UNC13C: variants seen among roughly 807,000 people sequenced by gnomAD.
The protein encoded by UNC13C is unc-13 homolog C.
UNC13C carries 174 observed loss-of-function variants against 245.4 expected under a neutral mutation model. The ratio of observed to expected loss-of-function variants is 0.71; its 90% CI spans 0.63 to 0.80. The LOEUF (loss-of-function observed/expected upper bound fraction) is 0.80, where lower values mean the gene tolerates loss of function less well. Among genes scored for constraint, UNC13C ranks in the 30% least tolerant of loss-of-function variants. The pLI is 0.00. For missense variants in UNC13C, 2,829 were observed against 2,602.9 expected (o/e 1.09, Z -1.89); for synonymous variants, 992 against 895.1 (o/e 1.11, Z -1.93).
downstream of UNC13C, chr15:54,632,031 C>CTGAT (rs779023295): frequency 1.2e-4 from 18 of 152,130 alleles, no homozygotes; most frequent in Admixed American, 6.5e-5. Context: ...AGTTCTTCTT[C>CTGAT]TGATATACAC....
At chr15:53,885,218 TCTC>T in the UNC13C span, among the ~76,000 whole-genome samples, 1 of 152,176 alleles carries the variant, frequency 6.6e-6, no homozygotes, top group Admixed American at 6.5e-5. Flanking sequence ...TTTCTGAACT[TCTC>T]CTGCCTTTCT....
intron 14 of UNC13C, among the ~76,000 whole-genome samples, chr15:54,331,234 G>A (rs1258056135): frequency 6.6e-6 from 1 of 152,030 alleles, no homozygotes; most frequent in Admixed American, 6.6e-5. Flanking sequence ...ATTTTTTGAT[G>A]AGAAAACTGG....
intron 4 of UNC13C, among the ~76,000 whole-genome samples, chr15:54,193,174 A>G (rs563781091): frequency 1.3e-5 from 2 of 152,290 alleles, no homozygotes; most frequent in South Asian, 4.1e-4. Context: ...GTTGTAAATG[A>G]GAAACAAGGT....
chr15:54,385,339 T>G (rs1449374589), intron 17 of UNC13C, among the ~76,000 whole-genome samples: 1 of 152,090 alleles, frequency 6.6e-6, no homozygotes, highest in Non-Finnish European at 1.5e-5. Flanking sequence ...ATGGTATATA[T>G]TCATAATAGA....
intron 30 of UNC13C, among the ~76,000 whole-genome samples, chr15:54,595,013 AAAGGATTAAACAG>A (rs1166298336): frequency 6.6e-6 from 1 of 152,212 alleles, no homozygotes; most frequent in Admixed American, 6.5e-5. Context: ...GGGATGAGGA[AAAGGATTAAACAG>A]TGAAGGAGAA....
chr15:53,857,647 A>G, the UNC13C span, among the ~76,000 whole-genome samples: 2 of 152,204 alleles, frequency 1.3e-5, no homozygotes, highest in East Asian at 1.9e-4. Flanking sequence ...TGTCTATACC[A>G]GTAATATTCT....
At chr15:54,316,973 C>G (rs2038024677) in intron 13 of UNC13C, among the ~76,000 whole-genome samples, 1 of 151,866 alleles carries the variant, frequency 6.6e-6, no homozygotes, top group Non-Finnish European at 1.5e-5. Context: ...TTTTAATCAA[C>G]TCCACATCCT....
At chr15:54,451,115 A>C (rs1268058572) in intron 19 of UNC13C, among the ~76,000 whole-genome samples, 1 of 151,808 alleles carries the variant, frequency 6.6e-6, no homozygotes, top group Non-Finnish European at 1.5e-5. Flanking sequence ...TTTTTTAAAT[A>C]TTTTTTCCTC....
chr15:54,260,070 A>G (rs142501738), intron 8 of UNC13C, among the ~76,000 whole-genome samples: 42 of 152,262 alleles, frequency 2.8e-4, no homozygotes, highest in Admixed American at 2.0e-3. Context: ...TATTTCCTCT[A>G]TTTATTGAGT....
intron 2 of UNC13C, among the ~76,000 whole-genome samples, chr15:54,111,077 T>C (rs539700949): frequency 1.3e-5 from 2 of 152,308 alleles, no homozygotes; most frequent in South Asian, 4.2e-4. Flanking sequence ...TACTTTTCCT[T>C]CTTCCCTGAC....
chr15:54,022,611 T>A (rs1895948901), intron 2 of UNC13C, among the ~76,000 whole-genome samples: 1 of 152,260 alleles, frequency 6.6e-6, no homozygotes, highest in South Asian at 2.1e-4. Flanking sequence ...TTTCTTGCTA[T>A]TGACTTGTTT....
At chr15:54,171,520 C>T (rs1482565389) in intron 4 of UNC13C, among the ~76,000 whole-genome samples, 1 of 152,210 alleles carries the variant, frequency 6.6e-6, no homozygotes, top group South Asian at 2.1e-4. Flanking sequence ...TGTCATTGAT[C>T]ACCAGGGAAA....
At chr15:53,889,077 A>T in the UNC13C span, among the ~76,000 whole-genome samples, 3 of 152,260 alleles carry the variant, frequency 2.0e-5, no homozygotes, top group African/African-American at 7.2e-5. Context: ...TTTTTTCCCA[A>T]TTCTGTAAAC....
At chr15:54,063,771 T>C (rs770917420) in intron 2 of UNC13C, among the ~76,000 whole-genome samples, 1 of 152,170 alleles carries the variant, frequency 6.6e-6, no homozygotes, top group Non-Finnish European at 1.5e-5. Flanking sequence ...ACAAATCTTT[T>C]TGGTGCAGGA....
At position 54,370,564 on chromosome 15, in the gene UNC13C, T is replaced by A. The variant is rs1356732369; in HGVS notation, c.4714-22484T>A. The stretch of plus-strand genomic sequence containing the variant: ...GCCACTGCTTCAGTGCTAATTCACA[T>A]TGAATTGCCCTTTCCTGCCTCTCGA... On this transcript the variant is annotated intron_variant, in intron 17 of 32. Transcript: ENST00000260323. Among the ~76,000 whole-genome samples the A allele has an allele frequency of 2.0e-5, 3 of 152,192 alleles. No individual in the cohort carries two copies. In the East Asian group the frequency reaches 5.8e-4, roughly 29 times the overall value.
chr15:53,981,757 C>T (rs1023069283), intron 1 of UNC13C, among the ~76,000 whole-genome samples: 3 of 152,066 alleles, frequency 2.0e-5, no homozygotes, highest in African/African-American at 7.2e-5. Flanking sequence ...TCTTTTAAGG[C>T]ATAGGAAGGG....
At chr15:54,169,934 T>C (rs956732975) in intron 4 of UNC13C, among the ~76,000 whole-genome samples, 1 of 152,078 alleles carries the variant, frequency 6.6e-6, no homozygotes, top group African/African-American at 2.4e-5. Flanking sequence ...GCATTTGATA[T>C]CTATCTCCTC....
chr15:54,533,058 G>A lies in UNC13C; in HGVS notation c.5688G>A (p.Leu1896=), dbSNP rs769141733. 1.9e-6 allele frequency: 3 copies of A among 1,589,282 alleles called. No homozygotes were observed. Among genetic ancestry groups the A allele is most frequent in the African/African-American group, 1.3e-5 (1 of 74,420 alleles). Residue 1896 remains leucine, a synonymous_variant, in exon 26 of 33, where the codon TTG becomes TTA. Transcript: ENST00000260323. ...TGTTAAGATCTCTTATGGATTTTTT[G>A]GACAAAACGTAAGTTTTTTTGCCCA... ...EIVLRSLMDF[L]DKTLSLSAKI...
intron 15 of UNC13C, among the ~76,000 whole-genome samples, chr15:54,333,399 G>A (rs1596237647): frequency 6.6e-6 from 1 of 152,038 alleles, no homozygotes; most frequent in African/African-American, 2.4e-5. Flanking sequence ...TTAAAAAGTA[G>A]TTATCTTGAG....
Sources: gnomAD v4.1 joint callset for allele counts (sites outside exome capture counted in the v4.1 genomes callset) on GRCh38, gnomAD v4.1.1 for gene constraint, MANE v1.5 for transcripts, NCBI Gene and HGNC (gene_info 2026-07-23, HGNC 2026-07-21) for gene names.